Variants in PRKCB observed in about 807,000 individuals in gnomAD.
The protein encoded by PRKCB is protein kinase C beta, also known as protein kinase C beta type.
A neutral mutation model predicts 81.5 loss-of-function variants in PRKCB; 13 were observed. The observed-to-expected ratio is 0.16, with a 90% confidence interval of 0.10 to 0.25. PRKCB has a LOEUF of 0.25. Among genes scored for constraint, PRKCB ranks in the 10% least tolerant of loss-of-function variants. The pLI is 1.00. For missense variants in PRKCB, 509 were observed against 875.7 expected (o/e 0.58, Z 5.29); for synonymous variants, 335 against 321.4 (o/e 1.04, Z -0.45).
chr16:24,174,417 A>G (rs2141967606), intron 11 of PRKCB, 101 bp from the exon 12 acceptor site: 4 of 1,048,254 alleles, frequency 3.8e-6, no homozygotes, highest in Non-Finnish European at 1.4e-6. Context: ...GGGTTCTTTA[A>G]TGTCCTACAC....
intron 8 of PRKCB, among the ~76,000 whole-genome samples, chr16:24,116,282 C>A (rs964681366): frequency 6.6e-6 from 1 of 152,062 alleles, no homozygotes; most frequent in African/African-American, 2.4e-5. Context: ...AGGGGCCAGG[C>A]ACGGTGGCTC....
At chr16:24,114,991 AC>A (rs1221771804) in intron 8 of PRKCB, among the ~76,000 whole-genome samples, 1 of 152,208 alleles carries the variant, frequency 6.6e-6, no homozygotes, top group Non-Finnish European at 1.5e-5. Flanking sequence ...ATGGAAGTTT[AC>A]CATGTAAAAA....
intron 15 of PRKCB, among the ~76,000 whole-genome samples, chr16:24,190,727 C>T (rs1464992889): frequency 6.6e-6 from 1 of 152,048 alleles, no homozygotes; most frequent in Admixed American, 6.6e-5. Context: ...CCATGTTGGC[C>T]AGGATGGTCT....
chr16:24,104,232 T>C (rs984581772), intron 7 of PRKCB, among the ~76,000 whole-genome samples: 2 of 152,264 alleles, frequency 1.3e-5, no homozygotes, highest in Non-Finnish European at 2.9e-5. Context: ...GTTTTTGCCT[T>C]ATCTGTATAT....
chr16:23,862,169 C>A (rs532628566), intron 2 of PRKCB, among the ~76,000 whole-genome samples: 1 of 152,286 alleles, frequency 6.6e-6, no homozygotes, highest in Admixed American at 6.5e-5. Flanking sequence ...CTCTGAAAAG[C>A]ATTGATGTTT....
At chr16:23,890,909 C>T (rs571755316) in intron 2 of PRKCB, among the ~76,000 whole-genome samples, 1 of 152,230 alleles carries the variant, frequency 6.6e-6, no homozygotes, top group South Asian at 2.1e-4. Context: ...TTCCCTCTCA[C>T]TTCATCCCTG....
At chr16:24,197,371 C>T (rs1300944374) in intron 16 of PRKCB, among the ~76,000 whole-genome samples, 1 of 151,910 alleles carries the variant, frequency 6.6e-6, no homozygotes, top group Non-Finnish European at 1.5e-5. Flanking sequence ...ATGTATATAT[C>T]TGGGTGAGGG....
At chr16:23,987,315 C>T (rs898195276) in intron 2 of PRKCB, among the ~76,000 whole-genome samples, 11 of 147,758 alleles carry the variant, frequency 7.4e-5, no homozygotes, top group African/African-American at 2.7e-4. Context: ...TTTCTCCCCA[C>T]TTGCAGTCCT....
At chr16:24,100,145 A>G (rs993783653) in intron 7 of PRKCB, among the ~76,000 whole-genome samples, 6 of 152,146 alleles carry the variant, frequency 3.9e-5, no homozygotes, top group Non-Finnish European at 5.9e-5. Context: ...TTTAACATTC[A>G]TGTCAGTCCA....
chr16:24,161,410 A>T (rs989412456), intron 10 of PRKCB, among the ~76,000 whole-genome samples: 1 of 152,202 alleles, frequency 6.6e-6, no homozygotes, highest in Non-Finnish European at 1.5e-5. Flanking sequence ...GGGGGCATAA[A>T]CAAATCAAAA....
chr16:24,173,022 C>G (rs1967468185), intron 11 of PRKCB, among the ~76,000 whole-genome samples: 1 of 152,148 alleles, frequency 6.6e-6, no homozygotes, highest in South Asian at 2.1e-4. Context: ...TGCCCAAAAT[C>G]ATGGAGCTAG....
chr16:23,960,832 C>CA (rs1436713847), intron 2 of PRKCB, among the ~76,000 whole-genome samples: 1 of 152,234 alleles, frequency 6.6e-6, no homozygotes, highest in Non-Finnish European at 1.5e-5. Flanking sequence ...GTACTTTAAT[C>CA]ATTGTCTGAG....
rs1249623564 is a variant in PRKCB at position 24,218,903 on chromosome 16, G to A, written c.*4087G>A. 1.1e-5 allele frequency: 11 copies of A among 985,294 alleles called. No individual in the cohort carries two copies. Among genetic ancestry groups the A allele is most frequent in the East Asian group, 1.1e-4 (1 of 8,818 alleles). 61.0% of individuals were successfully genotyped at this position (985,294 alleles called of 1,614,324 possible). A position where few individuals can be genotyped will look rare whatever the true frequency, so the allele number is the denominator to read the frequency against. Reference sequence around the variant, plus strand: ...ACTGTGATGAGGCCTACATAGCAGCGATGTGGTCAGGTAAAAATCAGGAAC... The same window carrying A: ...ACTGTGATGAGGCCTACATAGCAGCAATGTGGTCAGGTAAAAATCAGGAAC... On this transcript the variant is annotated 3_prime_UTR_variant, in exon 17 of 17. Transcript: ENST00000643927.
At chr16:23,911,467 T>A (rs1372000324) in intron 2 of PRKCB, among the ~76,000 whole-genome samples, 1 of 152,140 alleles carries the variant, frequency 6.6e-6, no homozygotes, top group Non-Finnish European at 1.5e-5. Context: ...CTCTTGGGTG[T>A]CTTCCTAGGA....
rs142766065 is a variant in PRKCB, at chr16:24,014,458, C to T, written c.289-17678C>T. On this transcript the variant is annotated intron_variant, in intron 3 of 16. Coordinates refer to ENST00000643927, the MANE Select transcript of PRKCB (RefSeq NM_002738.7). Reference sequence around the variant, plus strand: ...TCTGTGAACAGCCTCCACCAGAACTCGAAGGCCCCCTGGGGAATACCAAGC... The same window carrying T: ...TCTGTGAACAGCCTCCACCAGAACTTGAAGGCCCCCTGGGGAATACCAAGC... Among the ~76,000 whole-genome samples, 648 of 152,266 alleles carry T rather than the reference C, an allele frequency of 4.3e-3. 4 individuals are homozygous for T. The highest frequency in any genetic ancestry group is 5.7e-3 in the Non-Finnish European group (386 of 68,016).
Position 24,123,793 on chromosome 16 carries a change from C to T in PRKCB, c.919-42C>T, listed in dbSNP as rs754466595. ...GCCTGTGCCTTCCTACAAGATCGTC[C>T]TCAAACCCTGAGCATGTTTTCTGTG... On this transcript the variant is annotated intron_variant, in intron 8 of 16. Coordinates refer to ENST00000643927, the MANE Select transcript of PRKCB (RefSeq NM_002738.7). 1.4e-5 allele frequency: 23 copies of T among 1,607,338 alleles called. No individual in the cohort carries two copies. In the East Asian group the frequency reaches 4.7e-4, roughly 33 times the overall value.
chr16:24,177,544 C>T (rs2141970126), intron 12 of PRKCB, among the ~76,000 whole-genome samples: 1 of 152,268 alleles, frequency 6.6e-6, no homozygotes, highest in Middle Eastern at 3.4e-3. Context: ...GGCACACAAC[C>T]CAAGCTCTGA....
At chr16:24,113,524 C>T (rs1966703849) in intron 8 of PRKCB, among the ~76,000 whole-genome samples, 1 of 146,992 alleles carries the variant, frequency 6.8e-6, no homozygotes, top group Admixed American at 6.8e-5. Context: ...CCTCCTTCCT[C>T]CCTCCCTCCC....
chr16:23,941,518 G>T (rs1192273108), intron 2 of PRKCB, among the ~76,000 whole-genome samples: 3 of 151,996 alleles, frequency 2.0e-5, no homozygotes, highest in Non-Finnish European at 4.4e-5. Flanking sequence ...ATAAAATCTT[G>T]GCAAGTTGAA....
Sources: gnomAD v4.1 joint callset for allele counts (sites outside exome capture counted in the v4.1 genomes callset) on GRCh38, gnomAD v4.1.1 for gene constraint, MANE v1.5 for transcripts, NCBI Gene and HGNC (gene_info 2026-07-23, HGNC 2026-07-21) for gene names.